The following SIX6 variants were observed in gnomAD, a reference collection of about 807,000 sequenced individuals.
The protein encoded by SIX6 is homeobox protein SIX6.
Under a neutral mutation model 23.6 loss-of-function variants are expected in SIX6, and 14 were observed. That is an observed-to-expected ratio of 0.59 (90% CI 0.39 to 0.93). The LOEUF is 0.93. Ranked by LOEUF, SIX6 falls within the 40% of genes least tolerant of loss-of-function variation. SIX6 has a pLI of 0.00. For missense variants in SIX6, 307 were observed against 325.6 expected (o/e 0.94, Z 0.44); for synonymous variants, 128 against 144.9 (o/e 0.88, Z 0.84).
chr14:60,509,494 C>G lies in SIX6; in HGVS notation c.96C>G (p.Arg32=). Residue 32 remains arginine (R), a synonymous_variant, in exon 1 of 2, where the codon CGC becomes CGG. Coordinates refer to ENST00000327720, the MANE Select transcript of SIX6 (RefSeq NM_007374.3). Reference sequence around the variant, plus strand: ...GCGGCGATGTGGAGCGCCTGGGTCGCTTCCTCTGGTCGCTGCCCGTGGCCC... The same window carrying G: ...GCGGCGATGTGGAGCGCCTGGGTCGGTTCCTCTGGTCGCTGCCCGTGGCCC... The part of the protein sequence containing the change: ...EESGDVERLG[R]FLWSLPVAPA... 1 of 1,603,140 alleles carries G rather than the reference C, an allele frequency of 6.2e-7. No homozygotes were observed.
Position 60,511,114 on chromosome 14 carries a change from C to G in SIX6, c.603C>G (p.Ser201=). 3 of 1,612,838 alleles carry G rather than the reference C, an allele frequency of 1.9e-6. No individual in the cohort carries two copies. Among genetic ancestry groups the G allele is most frequent in the Non-Finnish European group, 2.5e-6 (3 of 1,179,838 alleles). ...RLQQQVLSQG[S]GRALRAEGDG... is the part of the protein sequence containing the mutation. The stretch of plus-strand genomic sequence containing the variant: ...AGCAGCAGGTCCTGTCACAGGGTTC[C>G]GGGCGGGCACTACGGGCGGAGGGCG... The change falls in exon 2 of 2, where the codon TCC becomes TCG. Residue 201 remains serine (S), a synonymous_variant. Transcript: ENST00000327720.
At chr14:60,510,623 T>C (rs1468500161) in intron 1 of SIX6, among the ~76,000 whole-genome samples, 2 of 152,246 alleles carry the variant, frequency 1.3e-5, no homozygotes, top group South Asian at 4.1e-4. Context: ...ACAATCCTTT[T>C]TGCCTTTAGG....
intron 1 of SIX6, 124 bp from the exon 2 acceptor site, chr14:60,510,960 T>C: frequency 1.6e-5 from 16 of 1,009,288 alleles, no homozygotes; most frequent in Non-Finnish European, 2.2e-5. Flanking sequence ...AATCCTCGCC[T>C]TAACTGCTGG....
chr14:60,509,867 A>G lies in SIX6; in HGVS notation c.469A>G (p.Lys157Glu), dbSNP rs1369024871. 1 of 1,613,522 alleles carries G rather than the reference A, an allele frequency of 6.2e-7. No individual in the cohort carries two copies. The highest frequency in any genetic ancestry group is 8.5e-7 in the Non-Finnish European group (1 of 1,179,738). ...GCAGGATCCATACCCTAACCCCAGC[A>G]AAAAACGTGAGCTCGCCCAGGCAAC... ...YLQDPYPNPS[K>E]KRELAQATGL... is the part of the protein sequence containing the mutation. Residue 157 changes from lysine (K) to glutamate (E), a missense_variant, in exon 1 of 2, where the codon AAA becomes GAA. Transcript: ENST00000327720.
chr14:60,511,134 A>C lies in SIX6; in HGVS notation c.623A>C (p.Glu208Ala), dbSNP rs1239541440. 1 of 1,612,736 alleles carries C rather than the reference A, an allele frequency of 6.2e-7. No homozygotes were observed. Among genetic ancestry groups the C allele is most frequent in the Non-Finnish European group, 8.5e-7 (1 of 1,179,856 alleles). Residue 208 changes from glutamate to alanine, a missense_variant, in exon 2 of 2, where the codon GAG (glutamate) becomes GCG (alanine). Physicochemically the swap from Glu to Ala is moderately radical, Grantham distance 107. Coordinates refer to ENST00000327720, the MANE Select transcript of SIX6 (RefSeq NM_007374.3). The part of the protein sequence containing the change: ...SQGSGRALRA[E>A]GDGTPEVLGV... ...GGTTCCGGGCGGGCACTACGGGCGG[A>C]GGGCGACGGCACGCCAGAGGTGCTG...
chr14:60,509,561 C>A lies in SIX6; in HGVS notation c.163C>A (p.Arg55Ser). ...EALNKNESVL[R>S]ARAIVAFHGG... ...CCTCAACAAGAATGAGTCGGTGCTA[C>A]GCGCACGAGCCATCGTGGCCTTTCA... Residue 55 changes from arginine to serine, a missense_variant, in exon 1 of 2, where the codon CGC becomes AGC. Transcript: ENST00000327720. 1.2e-6 allele frequency: 2 copies of A among 1,611,962 alleles called. No individual in the cohort carries two copies. Among genetic ancestry groups the A allele is most frequent in the Non-Finnish European group, 1.7e-6 (2 of 1,180,034 alleles).
intron 1 of SIX6, 111 bp downstream of exon 1, chr14:60,510,081 AGC>A: frequency 1.0e-6 from 1 of 989,862 alleles, no homozygotes; most frequent in Non-Finnish European, 1.6e-6. Flanking sequence ...AGGAGTTGGG[AGC>A]GCGGTCTGTC....
Position 60,509,533 on chromosome 14 carries a change from G to C in SIX6, c.135G>C (p.Glu45Asp), listed in dbSNP as rs988434661. 8.7e-6 allele frequency: 14 copies of C among 1,609,006 alleles called. No individual in the cohort carries two copies. The Admixed American group carries it at 1.0e-4, about 11-fold the overall frequency. The change falls in exon 1 of 2, where the codon GAG becomes GAC. Residue 45 changes from glutamate to aspartate, a missense_variant. Coordinates refer to ENST00000327720, the MANE Select transcript of SIX6 (RefSeq NM_007374.3). ...TGCCCGTGGCCCCTGCGGCCTGCGA[G>C]GCCCTCAACAAGAATGAGTCGGTGC... is the stretch of plus-strand genomic sequence containing the variant. ...WSLPVAPAAC[E>D]ALNKNESVLR... is the part of the protein sequence containing the mutation.
Position 60,511,324 on chromosome 14 carries a change from A to C in SIX6, c.*72A>C. 2 of 1,511,210 alleles carry C rather than the reference A, an allele frequency of 1.3e-6. No homozygotes were observed. The highest frequency in any genetic ancestry group is 1.8e-6 in the Non-Finnish European group (2 of 1,087,868). The allele number at this position is 1,511,210 out of a possible 1,614,324, so 93.6% of individuals were successfully genotyped here. Reference sequence around the variant, plus strand: ...GAAAAACAAAATGAAAGAGGGGAAGAAGATGAGAGACCTGCAAATCCAGCG... The same window carrying C: ...GAAAAACAAAATGAAAGAGGGGAAGCAGATGAGAGACCTGCAAATCCAGCG... On this transcript the variant is annotated 3_prime_UTR_variant, in exon 2 of 2. Coordinates refer to ENST00000327720, the MANE Select transcript of SIX6 (RefSeq NM_007374.3).
rs544183207 is a variant in SIX6, at chr14:60,511,914, A to T, written c.*662A>T. 11 of 155,978 alleles carry T rather than the reference A, an allele frequency of 7.1e-5. No individual in the cohort carries two copies. The highest frequency in any genetic ancestry group is 2.6e-4 in the African/African-American group (11 of 41,570). 9.7% of individuals were successfully genotyped at this position (155,978 alleles called of 1,614,324 possible). A position where few individuals can be genotyped will look rare whatever the true frequency, so the allele number is the denominator to read the frequency against. On this transcript the variant is annotated 3_prime_UTR_variant, in exon 2 of 2. Coordinates refer to ENST00000327720, the MANE Select transcript of SIX6 (RefSeq NM_007374.3). ...ATGGTCTCCGGAAGGTCTTACCTAT[A>T]TATCTTTTGCCTTCTTTGGTGCTTC... is the stretch of plus-strand genomic sequence containing the variant.
At position 60,509,582 on chromosome 14, in the gene SIX6, T is replaced by C; in HGVS notation, c.184T>C (p.Phe62Leu). Residue 62 changes from phenylalanine to leucine, a missense_variant, in exon 1 of 2, where the codon TTT becomes CTT. Phe to Leu is a conservative substitution (Grantham distance 22). Coordinates refer to ENST00000327720, the MANE Select transcript of SIX6 (RefSeq NM_007374.3). ...GCTACGCGCACGAGCCATCGTGGCC[T>C]TTCACGGTGGCAACTACCGCGAGCT... ...SVLRARAIVA[F>L]HGGNYRELYH... The C allele has an allele frequency of 6.2e-7, 1 of 1,613,076 alleles. No homozygotes were observed. The highest frequency in any genetic ancestry group is 8.5e-7 in the Non-Finnish European group (1 of 1,180,004).
rs1893296823 is a variant in SIX6 at position 60,511,681 on chromosome 14, A to G, written c.*429A>G. ...TGCTGTTTATTTACTTATTTAAGAG[A>G]CCGCCATGGTAGGTTTCTCTGTAGC... On this transcript the variant is annotated 3_prime_UTR_variant, in exon 2 of 2. Coordinates refer to ENST00000327720, the MANE Select transcript of SIX6 (RefSeq NM_007374.3). 3.8e-6 allele frequency: 1 copy of G among 262,908 alleles called. No individual in the cohort carries two copies. The highest frequency in any genetic ancestry group is 4.5e-5 in the South Asian group (1 of 22,248). 16.3% of individuals were successfully genotyped at this position (262,908 alleles called of 1,614,324 possible).
Position 60,511,309 on chromosome 14 carries a change from A to C in SIX6, c.*57A>C. 2 of 1,566,188 alleles carry C rather than the reference A, an allele frequency of 1.3e-6. No individual in the cohort carries two copies. Among genetic ancestry groups the C allele is most frequent in the Non-Finnish European group, 8.8e-7 (1 of 1,137,326 alleles). The stretch of plus-strand genomic sequence containing the variant: ...CCAGTGTAAAAACGAGAAAAACAAA[A>C]TGAAAGAGGGGAAGAAGATGAGAGA... On this transcript the variant is annotated 3_prime_UTR_variant, in exon 2 of 2. Transcript: ENST00000327720.
chr14:60,511,576 A>G lies in SIX6; in HGVS notation c.*324A>G, dbSNP rs1163394649. 1.6e-5 allele frequency: 8 copies of G among 509,162 alleles called. No homozygotes were observed. The highest frequency in any genetic ancestry group is 2.5e-5 in the Non-Finnish European group (7 of 280,508). 31.5% of individuals were successfully genotyped at this position (509,162 alleles called of 1,614,324 possible). A position where few individuals can be genotyped will look rare whatever the true frequency, so the allele number is the denominator to read the frequency against. ...GCTGAGCGCCTGCCCAGATTCTCCCATGGGTATTTCACGTCGAAAGGACGC... is the reference window on the plus strand; with the variant it reads ...GCTGAGCGCCTGCCCAGATTCTCCCGTGGGTATTTCACGTCGAAAGGACGC... On this transcript the variant is annotated 3_prime_UTR_variant, in exon 2 of 2. Transcript: ENST00000327720.
rs1406786813 is a variant in SIX6 at position 60,511,592 on chromosome 14, G to C, written c.*340G>C. On this transcript the variant is annotated 3_prime_UTR_variant, in exon 2 of 2. Transcript: ENST00000327720. Reference sequence around the variant, plus strand: ...GATTCTCCCATGGGTATTTCACGTCGAAAGGACGCTGTTACATATGTATAA... The same window carrying C: ...GATTCTCCCATGGGTATTTCACGTCCAAAGGACGCTGTTACATATGTATAA... 1.5e-5 allele frequency: 7 copies of C among 481,128 alleles called. No individual in the cohort carries two copies. The highest frequency in any genetic ancestry group is 2.7e-5 in the Non-Finnish European group (7 of 262,768). 29.8% of individuals were successfully genotyped at this position (481,128 alleles called of 1,614,324 possible). A position where few individuals can be genotyped will look rare whatever the true frequency, so the allele number is the denominator to read the frequency against.
chr14:60,510,073 G>C, intron 1 of SIX6, 103 bp downstream of exon 1: 1 of 1,042,312 alleles, frequency 9.6e-7, no homozygotes, highest in Non-Finnish European at 1.5e-6. Flanking sequence ...AATTCAGCAG[G>C]AGTTGGGAGC....
At position 60,511,550 on chromosome 14, in the gene SIX6, A is replaced by G. The variant is rs886050565; in HGVS notation, c.*298A>G. ...AGTCTCCTTCGGAACCCGAACTGCA[A>G]GCTGAGCGCCTGCCCAGATTCTCCC... is the stretch of plus-strand genomic sequence containing the variant. On this transcript the variant is annotated 3_prime_UTR_variant, in exon 2 of 2. Coordinates refer to ENST00000327720, the MANE Select transcript of SIX6 (RefSeq NM_007374.3). 1.1e-5 allele frequency: 6 copies of G among 544,924 alleles called. No individual in the cohort carries two copies. The East Asian group carries it at 1.9e-4, about 18-fold the overall frequency. The allele number at this position is 544,924 out of a possible 1,614,324, so 33.8% of individuals were successfully genotyped here.
At position 60,509,944 on chromosome 14, in the gene SIX6, G is replaced by A; in HGVS notation, c.546G>A (p.Arg182=). 1.2e-6 allele frequency: 2 copies of A among 1,608,390 alleles called. No individual in the cohort carries two copies. The highest frequency in any genetic ancestry group is 1.7e-6 in the Non-Finnish European group (2 of 1,177,260). The change falls in exon 1 of 2, where the codon AGG becomes AGA. Residue 182 remains arginine, a synonymous_variant. Transcript: ENST00000327720. The part of the protein sequence containing the change: ...VGNWFKNRRQ[R]DRAAAAKNRL... ...ACTGGTTCAAAAACCGCCGACAAAG[G>A]GACCGAGCGGCTGCAGCCAAGAACA...
chr14:60,509,949 G>C lies in SIX6; in HGVS notation c.551G>C (p.Arg184Pro), dbSNP rs772792063. The C allele has an allele frequency of 5.0e-6, 8 of 1,607,012 alleles. No homozygotes were observed. Among genetic ancestry groups the C allele is most frequent in the Non-Finnish European group, 6.8e-6 (8 of 1,176,498 alleles). ...TTCAAAAACCGCCGACAAAGGGACC[G>C]AGCGGCTGCAGCCAAGAACAGGTCG... ...NWFKNRRQRD[R>P]AAAAKNRLQQ... Residue 184 changes from arginine (R) to proline (P), a missense_variant, in exon 1 of 2, where the codon CGA (arginine) becomes CCA (proline). Arg to Pro is a moderately radical substitution (Grantham distance 103). Transcript: ENST00000327720.
Sources: allele counts gnomAD v4.1 joint callset (sites outside exome capture counted in the v4.1 genomes callset), GRCh38; gene constraint gnomAD v4.1.1; transcripts MANE v1.5; gene names NCBI Gene and HGNC (gene_info 2026-07-23, HGNC 2026-07-21).